Variants in P3H2 observed in about 807,000 individuals in gnomAD.
P3H2 encodes prolyl 3-hydroxylase 2.
A neutral mutation model predicts 87.0 loss-of-function variants in P3H2; 80 were observed. The ratio of observed to expected loss-of-function variants is 0.92; its 90% CI spans 0.77 to 1.11. The LOEUF is 1.11. P3H2 is among the 50% of genes least tolerant of loss of function. The pLI is 0.00. For missense variants in P3H2, 1,001 were observed against 923.9 expected (o/e 1.08, Z -1.08); for synonymous variants, 367 against 359.3 (o/e 1.02, Z -0.24).
chr3:189,982,030 T>C (rs1723552004), intron 8 of P3H2, among the ~76,000 whole-genome samples: 1 of 152,200 alleles, frequency 6.6e-6, no homozygotes, highest in African/African-American at 2.4e-5. Context: ...CAAGATCTCC[T>C]GGGGAAAGAA....
chr3:190,063,073 C>G (rs1237682568), intron 1 of P3H2, among the ~76,000 whole-genome samples: 1 of 152,044 alleles, frequency 6.6e-6, no homozygotes, highest in East Asian at 1.9e-4. Flanking sequence ...GTATTTGGGC[C>G]CAAACCACAT....
chr3:189,980,644 T>C (rs1386519356), intron 8 of P3H2, among the ~76,000 whole-genome samples: 1 of 152,240 alleles, frequency 6.6e-6, no homozygotes, highest in African/African-American at 2.4e-5. Context: ...ATTTAGATCC[T>C]AATTAGGTAT....
intron 8 of P3H2, among the ~76,000 whole-genome samples, chr3:189,978,109 A>T (rs149313665): frequency 2.1e-4 from 32 of 152,346 alleles, no homozygotes; most frequent in African/African-American, 7.7e-4. Flanking sequence ...GAAAGATAAG[A>T]TACTTGTAGA....
At chr3:189,974,507 G>C (rs76299092) in intron 9 of P3H2, 51 bp downstream of exon 9, 1 of 1,611,522 alleles carries the variant, frequency 6.2e-7, no homozygotes, top group African/African-American at 1.3e-5. Context: ...AGCAGTTCCA[G>C]CTTCTTGGCA....
intron 1 of P3H2, among the ~76,000 whole-genome samples, chr3:190,050,505 T>G (rs994064728): frequency 3.3e-5 from 5 of 152,276 alleles, no homozygotes; most frequent in African/African-American, 1.2e-4. Flanking sequence ...CAGACTTAGA[T>G]GTCAGGTTTT....
intron 6 of P3H2, among the ~76,000 whole-genome samples, chr3:189,986,127 G>A (rs377065261): frequency 1.3e-5 from 2 of 152,114 alleles, no homozygotes; most frequent in African/African-American, 4.8e-5. Context: ...TAACATAAAA[G>A]CATTAATAGA....
intron 1 of P3H2, among the ~76,000 whole-genome samples, chr3:190,081,776 T>C (rs1727051863): frequency 6.6e-6 from 1 of 152,194 alleles, no homozygotes; most frequent in Non-Finnish European, 1.5e-5. Context: ...AACTAAGTTA[T>C]AATATGAAAT....
Position 190,028,208 on chromosome 3 carries a change from C to T in P3H2, c.481-32766G>A, listed in dbSNP as rs191535474. On this transcript the variant is annotated intron_variant, in intron 1 of 14. Transcript: ENST00000319332. ...AAGAGACACACATTAAATGTTATTCCCACTTTTAAAGGAAAAAATTACCAT... is the reference window on the plus strand; with the variant it reads ...AAGAGACACACATTAAATGTTATTCTCACTTTTAAAGGAAAAAATTACCAT... Among the ~76,000 whole-genome samples, 579 of 152,120 alleles carry T rather than the reference C, an allele frequency of 3.8e-3. 1 individual carries two copies. Among genetic ancestry groups the T allele is most frequent in the Non-Finnish European group, 5.5e-3 (377 of 68,000 alleles).
At chr3:190,034,670 G>A (rs151028772) in intron 1 of P3H2, among the ~76,000 whole-genome samples, 2 of 152,202 alleles carry the variant, frequency 1.3e-5, no homozygotes, top group East Asian at 1.9e-4. Context: ...GGAATTTTGG[G>A]TGGTGACGTA....
chr3:189,963,905 A>C, intron 14 of P3H2, 53 bp downstream of exon 14: 9 of 1,598,248 alleles, frequency 5.6e-6, no homozygotes, highest in Non-Finnish European at 7.7e-6. Flanking sequence ...TTCTCAGATA[A>C]AGCAGTTCAT....
rs1310957916 is a variant in P3H2 at position 190,120,706 on chromosome 3, G to A, written c.26C>T (p.Pro9Leu). The part of the protein sequence containing the change: MRERIWAP[P>L]LLLLLPLLLP... Reference sequence around the variant, plus strand: ...TAGCAGCGGCAGCAGCAGCAGCAGCGGCGGCGCCCAGATGCGCTCCCGCAT... The same window carrying A: ...TAGCAGCGGCAGCAGCAGCAGCAGCAGCGGCGCCCAGATGCGCTCCCGCAT... Residue 9 changes from proline (P) to leucine (L), a missense_variant, in exon 1 of 15, where the codon CCG (proline) becomes CTG (leucine). Pro to Leu is a moderately conservative substitution (Grantham distance 98). Transcript: ENST00000319332. The A allele has an allele frequency of 1.3e-6, 2 of 1,519,658 alleles. No individual in the cohort carries two copies. The allele number at this position is 1,519,658 out of a possible 1,614,324, so 94.1% of individuals were successfully genotyped here.
At chr3:189,977,072 C>T (rs1723371032) in intron 8 of P3H2, among the ~76,000 whole-genome samples, 1 of 152,164 alleles carries the variant, frequency 6.6e-6, no homozygotes, top group South Asian at 2.1e-4. Context: ...TTCTCTCCCT[C>T]CCCGACTCCC....
At chr3:190,022,876 G>A (rs928773460) in intron 1 of P3H2, among the ~76,000 whole-genome samples, 33 of 151,952 alleles carry the variant, frequency 2.2e-4, no homozygotes, top group Admixed American at 1.8e-3. Flanking sequence ...GCCCAGGCCC[G>A]AGTGCAGTGG....
Position 189,970,847 on chromosome 3 carries a change from A to G in P3H2, c.1862T>C (p.Ile621Thr). 1 of 1,592,268 alleles carries G rather than the reference A, an allele frequency of 6.3e-7. No homozygotes were observed. Among genetic ancestry groups the G allele is most frequent in the Non-Finnish European group, 8.6e-7 (1 of 1,160,202 alleles). The change falls in exon 13 of 15, where the codon ATA (isoleucine) becomes ACA (threonine). Residue 621 changes from isoleucine to threonine, a missense_variant. Ile to Thr is a moderately conservative substitution (Grantham distance 89, BLOSUM62 -1). Coordinates refer to ENST00000319332, the MANE Select transcript of P3H2 (RefSeq NM_018192.4). ...AGTCTTAGCATCCATCTCTGTGAAT[A>G]TGAATTCTCCTCCTTCAAAGTCATC... ...MNDDFEGGEF[I>T]FTEMDAKTVT...
rs529439492 is a variant in P3H2 at position 190,057,155 on chromosome 3, CT to C, written c.481-61714del. Among the ~76,000 whole-genome samples the C allele has an allele frequency of 4.0e-4, 61 of 152,288 alleles. 2 individuals carry two copies. Among genetic ancestry groups the C allele is most frequent in the African/African-American group, 1.3e-3 (56 of 41,574 alleles). ...ATTTAGTAGGCCTAACTTTAAGTAT[CT>C]TCTTATCCTGCTTCTTTTTACATAA... is the stretch of plus-strand genomic sequence containing the variant. On this transcript the variant is annotated intron_variant, in intron 1 of 14. Transcript: ENST00000319332.
chr3:190,067,548 G>C lies in P3H2; in HGVS notation c.480+52704C>G, dbSNP rs973673236. ...GTTATCTCAATTTCTCTAGAGTTTT[G>C]CTTTTGAATAACTAGTGATTCTGTG... On this transcript the variant is annotated intron_variant, in intron 1 of 14. Transcript: ENST00000319332. Among the ~76,000 whole-genome samples the C allele has an allele frequency of 1.3e-5, 2 of 152,120 alleles. 1 individual carries two copies. Among genetic ancestry groups the C allele is most frequent in the Non-Finnish European group, 2.9e-5 (2 of 67,982 alleles).
chr3:190,071,984 T>G (rs1325384458), intron 1 of P3H2, among the ~76,000 whole-genome samples: 2 of 149,850 alleles, frequency 1.3e-5, no homozygotes, highest in East Asian at 1.9e-4. Flanking sequence ...AAGGGTTTTT[T>G]TTTTTTTTTT....
chr3:190,078,143 T>C (rs1455980287), intron 1 of P3H2, among the ~76,000 whole-genome samples: 1 of 152,156 alleles, frequency 6.6e-6, no homozygotes, highest in East Asian at 1.9e-4. Context: ...AATTTGTAAG[T>C]AGATAAGTTG....
chr3:190,077,587 T>C (rs896778939), intron 1 of P3H2, among the ~76,000 whole-genome samples: 20 of 152,116 alleles, frequency 1.3e-4, no homozygotes, highest in African/African-American at 4.6e-4. Context: ...ATCAGACAAG[T>C]CCCAGTGCCT....
Sources: allele counts gnomAD v4.1 joint callset (sites outside exome capture counted in the v4.1 genomes callset), GRCh38; gene constraint gnomAD v4.1.1; transcripts MANE v1.5; gene names NCBI Gene and HGNC (gene_info 2026-07-23, HGNC 2026-07-21).